AK8: variants seen among roughly 807,000 people sequenced by gnomAD.
AK8 encodes ATP-AMP transphosphorylase 8.
Under a neutral mutation model 54.6 loss-of-function variants are expected in AK8, and 44 were observed. The ratio of observed to expected loss-of-function variants is 0.81; its 90% CI spans 0.63 to 1.04. The LOEUF is 1.04. AK8 is among the 50% of genes least tolerant of loss of function. The pLI is 0.00. For synonymous variants in AK8, 239 were observed against 245.6 expected, an observed-to-expected ratio of 0.97 and a Z score of 0.25; for missense variants, 555 against 613.6, an observed-to-expected ratio of 0.90 and a Z score of 1.01.
At chr9:132,777,522 G>C (rs1488513708) in intron 11 of AK8, among the ~76,000 whole-genome samples, 11 of 152,196 alleles carry the variant, frequency 7.2e-5, no homozygotes, top group Admixed American at 7.2e-4. Context: ...TTTCAACTTT[G>C]AATCTGTTGA....
intron 11 of AK8, among the ~76,000 whole-genome samples, chr9:132,772,743 T>C (rs189172563): frequency 2.0e-5 from 3 of 152,306 alleles, no homozygotes; most frequent in East Asian, 3.9e-4. Context: ...GGCCAGTCCA[T>C]TCTTCCTGCT....
chr9:132,863,485 C>G (rs949715681), intron 4 of AK8, among the ~76,000 whole-genome samples, 180 bp downstream of exon 4: 2 of 152,252 alleles, frequency 1.3e-5, no homozygotes, highest in African/African-American at 2.4e-5. Context: ...GACGTGAGCC[C>G]AGTAAAGAAT....
intron 11 of AK8, among the ~76,000 whole-genome samples, chr9:132,754,109 G>C (rs981500118): frequency 4.6e-5 from 7 of 152,210 alleles, no homozygotes; most frequent in Admixed American, 2.0e-4. Context: ...AGAAACTCCA[G>C]GGGAAGAAGA....
chr9:132,745,484 G>A (rs114261080), intron 11 of AK8, among the ~76,000 whole-genome samples: 1,830 of 152,262 alleles, frequency 0.012, 35 homozygotes, highest in African/African-American at 0.041. Flanking sequence ...TACAGTACCC[G>A]AGCTGGGCCC....
At chr9:132,735,859 G>T (rs1837078354) in intron 11 of AK8, among the ~76,000 whole-genome samples, 1 of 152,354 alleles carries the variant, frequency 6.6e-6, no homozygotes, top group Non-Finnish European at 1.5e-5. Context: ...GGTCTATACA[G>T]TCATGCGTTG....
chr9:132,765,308 A>AAAAAAAAAAAAAAAAAAAAAAAC (rs1838678820), intron 11 of AK8, among the ~76,000 whole-genome samples: 1 of 151,034 alleles, frequency 6.6e-6, no homozygotes, highest in Non-Finnish European at 1.5e-5. Flanking sequence ...AAAAAAAAAA[A>AAAAAAAAAAAAAAAAAAAAAAAC]AAAAAAGAGA....
chr9:132,878,463 C>G, upstream of AK8: 1 of 1,221,678 alleles, frequency 8.2e-7, no homozygotes, highest in East Asian at 3.2e-5. This position sits in a 1 kb window ranked among gnomAD's most constrained non-coding sequence, Gnocchi z 4.7. Context: ...ACCCCGGCCT[C>G]GCTTTTCCCA....
At chr9:132,802,624 G>A (rs215175) in intron 10 of AK8, among the ~76,000 whole-genome samples, 42,760 of 151,974 alleles carry the variant, frequency 0.28, 6,128 homozygotes, top group East Asian at 0.49. Context: ...CCCAGGCACC[G>A]GGCATGGCGA....
intron 11 of AK8, among the ~76,000 whole-genome samples, chr9:132,729,853 TA>T (rs1200394081): frequency 2.0e-5 from 3 of 152,206 alleles, no homozygotes; most frequent in Non-Finnish European, 2.9e-5. Context: ...TTCAAGAAAG[TA>T]AACTCAGGCC....
In AK8 at chr9:132,791,967, TG is replaced by T. The variant is rs1026888907; in HGVS notation, c.1121+666del. 3.3e-5 allele frequency among the ~76,000 whole-genome samples: 5 copies of T among 152,336 alleles called. 1 individual carries two copies. Among genetic ancestry groups the T allele is most frequent in the East Asian group, 1.9e-4 (1 of 5,190 alleles). ...CTTCCCCAAGCCAACAGCCTCCAAC[TG>T]GGGCATGGTAGAACCGAAGCCTTTC... On this transcript the variant is annotated intron_variant, in intron 11 of 12. Transcript: ENST00000298545. The surrounding 1 kb of genome is among the most constrained non-coding windows in gnomAD (Gnocchi z 4.0).
At chr9:132,841,817 C>G (rs1294227626) in intron 5 of AK8, among the ~76,000 whole-genome samples, 1 of 152,160 alleles carries the variant, frequency 6.6e-6, no homozygotes, top group Admixed American at 6.6e-5. Context: ...GCTTTAAAAT[C>G]AAGCACCCTG....
intron 4 of AK8, among the ~76,000 whole-genome samples, chr9:132,858,747 C>T (rs909634919): frequency 2.6e-5 from 4 of 151,970 alleles, no homozygotes; most frequent in African/African-American, 9.7e-5. Context: ...GAACTGCCTC[C>T]TAGAGTTTGG....
intron 9 of AK8, among the ~76,000 whole-genome samples, chr9:132,821,115 C>T (rs73549162): frequency 7.3e-5 from 11 of 151,006 alleles, no homozygotes; most frequent in Admixed American, 2.0e-4. Flanking sequence ...GTGTGCTGAA[C>T]GCAATTTGAA....
intron 10 of AK8, among the ~76,000 whole-genome samples, chr9:132,807,367 A>G (rs1840774718): frequency 1.3e-5 from 2 of 152,258 alleles, no homozygotes; most frequent in Admixed American, 1.3e-4. Flanking sequence ...CTGACCATGC[A>G]GTTCCAGCAT....
chr9:132,855,038 C>A lies in AK8; in HGVS notation c.334-113G>T. The A allele has an allele frequency of 4.7e-6, 5 of 1,062,608 alleles. No individual in the cohort carries two copies. In the South Asian group the frequency reaches 6.7e-5, roughly 14 times the overall value. 65.8% of individuals were successfully genotyped at this position (1,062,608 alleles called of 1,614,324 possible). A position where few individuals can be genotyped will look rare whatever the true frequency, so the allele number is the denominator to read the frequency against. On this transcript the variant is annotated intron_variant, in intron 4 of 12. Transcript: ENST00000298545. ...CCTGGCCTCTGGAAAGCACCGACCA[C>A]CATCGGGCCCCGCCCTTCCTCCACC... is the stretch of plus-strand genomic sequence containing the variant.
intron 8 of AK8, among the ~76,000 whole-genome samples, chr9:132,823,899 C>T (rs532034456): frequency 6.6e-6 from 1 of 152,386 alleles, no homozygotes; most frequent in Admixed American, 6.5e-5. Context: ...GTTTGTGCAG[C>T]TGCACTCTGG....
intron 4 of AK8, among the ~76,000 whole-genome samples, chr9:132,857,502 T>A (rs1843217986): frequency 6.6e-6 from 1 of 151,960 alleles, no homozygotes; most frequent in African/African-American, 2.4e-5. Flanking sequence ...CCCTGTCCCT[T>A]CCCTCTGCAT....
At chr9:132,733,740 G>T (rs959243160) in intron 11 of AK8, among the ~76,000 whole-genome samples, 3 of 152,234 alleles carry the variant, frequency 2.0e-5, no homozygotes, top group African/African-American at 4.8e-5. Context: ...CCAGCCACTG[G>T]TTTTTTGTTT....
chr9:132,800,155 T>G (rs1840374226), intron 10 of AK8, among the ~76,000 whole-genome samples: 1 of 152,180 alleles, frequency 6.6e-6, no homozygotes. Flanking sequence ...CTCCCATCTC[T>G]GGAGGCCATC....
Sources: gnomAD v4.1 joint callset for allele counts (sites outside exome capture counted in the v4.1 genomes callset) on GRCh38, gnomAD v4.1.1 for gene constraint, Gnocchi (gnomAD v3.1) non-coding constraint, MANE v1.5 for transcripts, NCBI Gene and HGNC (gene_info 2026-07-23, HGNC 2026-07-21) for gene names.